Variants in PTBP2 observed in about 807,000 individuals in gnomAD.
The protein encoded by PTBP2 is polypyrimidine tract binding protein 2.
A neutral mutation model predicts 61.4 loss-of-function variants in PTBP2; 13 were observed. The observed-to-expected ratio is 0.21, with a 90% CI of 0.14 to 0.34. The LOEUF (loss-of-function observed/expected upper bound fraction) is 0.34, where lower values mean the gene tolerates loss of function less well. PTBP2 is among the 10% of genes least tolerant of loss of function. The pLI, the probability that PTBP2 is intolerant of heterozygous loss-of-function variation, is 1.00. For missense variants in PTBP2, 405 were observed against 642.6 expected, an observed-to-expected ratio of 0.63 and a Z score of 4.00; for synonymous variants, 215 against 218.5, an observed-to-expected ratio of 0.98 and a Z score of 0.14.
intron 9 of PTBP2, 35 bp downstream of exon 9, chr1:96,804,974 C>G (rs932347398): frequency 3.2e-5 from 47 of 1,450,900 alleles, no homozygotes; most frequent in Non-Finnish European, 4.3e-5. Flanking sequence ...TATTCTTTAA[C>G]TCCATTTCAT....
rs570226663 is a variant in PTBP2, at chr1:96,742,262, C to A, written c.40-9163C>A. On this transcript the variant is annotated intron_variant, in intron 2 of 13. Coordinates refer to ENST00000674951, the MANE Select transcript of PTBP2 (RefSeq NM_021190.4). ...CATGGTATTTTCCCTAAGAGACATGCTTAATGCAGAAAATATATTAAAAGG... is the reference window on the plus strand; with the variant it reads ...CATGGTATTTTCCCTAAGAGACATGATTAATGCAGAAAATATATTAAAAGG... Among the ~76,000 whole-genome samples, 3 of 152,126 alleles carry A rather than the reference C, an allele frequency of 2.0e-5. No individual in the cohort carries two copies. In the East Asian group the frequency reaches 5.8e-4, roughly 29 times the overall value.
In PTBP2 at chr1:96,802,572, AT is replaced by A. The variant is rs954844319; in HGVS notation, c.905-2221del. The stretch of plus-strand genomic sequence containing the variant: ...TGAAACCAGAAATTAAAGTGATTTA[AT>A]TTTTTTATTGTGGCAAAGATCTAGT... On this transcript the variant is annotated intron_variant, in intron 8 of 13. Transcript: ENST00000674951. Among the ~76,000 whole-genome samples the A allele has an allele frequency of 2.0e-5, 3 of 152,260 alleles. No homozygotes were observed. The East Asian group carries it at 5.8e-4, about 29-fold the overall frequency.
rs575075740 is a variant in PTBP2 at position 96,793,889 on chromosome 1, A to G, written c.904+8635A>G. ...GAAGGTATTACGGGCTACAGATGAG[A>G]AAAAAATGTTACTACGTCATTTCAT... On this transcript the variant is annotated intron_variant, in intron 8 of 13. Transcript: ENST00000674951. 1.6e-4 allele frequency among the ~76,000 whole-genome samples: 25 copies of G among 152,250 alleles called. No individual in the cohort carries two copies. In the East Asian group the frequency reaches 4.6e-3, roughly 28 times the overall value.
At chr1:96,748,139 G>A (rs1383258534) in intron 2 of PTBP2, among the ~76,000 whole-genome samples, 1 of 151,960 alleles carries the variant, frequency 6.6e-6, no homozygotes, top group Non-Finnish European at 1.5e-5. Context: ...TCCTTGCCCG[G>A]TGTCTTTCTG....
chr1:96,820,007 T>C (rs980306550), downstream of PTBP2: 1 of 151,950 alleles, frequency 6.6e-6, no homozygotes, highest in African/African-American at 2.4e-5. Context: ...TGGAGTTTTA[T>C]AGTGTAATAT....
chr1:96,745,913 A>G (rs1212595066), intron 2 of PTBP2, among the ~76,000 whole-genome samples: 2 of 152,036 alleles, frequency 1.3e-5, no homozygotes, highest in Non-Finnish European at 2.9e-5. Context: ...TAAAAATACC[A>G]TAATTAGCGG....
At position 96,769,888 on chromosome 1, in the gene PTBP2, CA is replaced by C; in HGVS notation, c.288+14del. On this transcript the variant is annotated intron_variant, in intron 4 of 13. Coordinates refer to ENST00000674951, the MANE Select transcript of PTBP2 (RefSeq NM_021190.4). ...AGGAAAAAATCAGGTACACTTCTTT[CA>C]GGGTTTATGAAATGTTAAACCCCAA... 1 of 1,569,194 alleles carries C rather than the reference CA, an allele frequency of 6.4e-7. No homozygotes were observed. The highest frequency in any genetic ancestry group is 1.2e-5 in the South Asian group (1 of 83,204).
Position 96,770,824 on chromosome 1 carries a change from A to T in PTBP2, c.405A>T (p.Glu135Asp), listed in dbSNP as rs767534656. The change falls in exon 5 of 14, where the codon GAA becomes GAT. Residue 135 changes from glutamate to aspartate, a missense_variant. Transcript: ENST00000674951. ...PIYIQYSNHK[E>D]LKTDNTLNQR... ...ATATCCAGTACTCGAATCACAAAGA[A>T]CTAAAGACAGATAATACATTAAACC... is the stretch of plus-strand genomic sequence containing the variant. 6.3e-7 allele frequency: 1 copy of T among 1,583,456 alleles called. No homozygotes were observed. The highest frequency in any genetic ancestry group is 8.7e-7 in the Non-Finnish European group (1 of 1,152,402).
chr1:96,777,453 T>C (rs937148486), intron 5 of PTBP2, 132 bp from the exon 6 acceptor site: 2 of 615,378 alleles, frequency 3.3e-6, no homozygotes, highest in African/African-American at 3.8e-5. Flanking sequence ...CTTAAAAATA[T>C]CTGTTGAGGG....
In PTBP2 at chr1:96,785,141, A is replaced by G; in HGVS notation, c.791A>G (p.Tyr264Cys). Residue 264 changes from tyrosine (Y) to cysteine (C), a missense_variant, in exon 8 of 14, where the codon TAC (tyrosine) becomes TGC (cysteine). Tyr to Cys is a radical substitution (Grantham distance 194, BLOSUM62 -2). Coordinates refer to ENST00000674951, the MANE Select transcript of PTBP2 (RefSeq NM_021190.4). ...AAACTTGTGAATTTGAATGTAAAAT[A>G]CAACAATGATAAAAGTAGGGATTAT... ...FSKLVNLNVKYNNDKSRDYTR... is the reference protein window; with the variant it reads ...FSKLVNLNVKCNNDKSRDYTR... 1 of 1,610,260 alleles carries G rather than the reference A, an allele frequency of 6.2e-7. No homozygotes were observed. Among genetic ancestry groups the G allele is most frequent in the Non-Finnish European group, 8.5e-7 (1 of 1,177,362 alleles).
intron 8 of PTBP2, among the ~76,000 whole-genome samples, chr1:96,801,767 A>G (rs1445013473): frequency 1.6e-4 from 24 of 151,542 alleles, no homozygotes; most frequent in Admixed American, 1.6e-3. Context: ...ATGCTGAGGC[A>G]GGAGAATCAC....
intron 3 of PTBP2, among the ~76,000 whole-genome samples, chr1:96,756,387 C>T (rs1180148696): frequency 2.0e-5 from 3 of 152,128 alleles, no homozygotes; most frequent in East Asian, 3.9e-4. Flanking sequence ...GCAACAAGAG[C>T]GAGACTCCAT....
At chr1:96,735,743 C>T (rs145794209) in intron 2 of PTBP2, among the ~76,000 whole-genome samples, 1,707 of 152,046 alleles carry the variant, frequency 0.011, 36 homozygotes, top group African/African-American at 0.04. Flanking sequence ...ATAGGAGAAG[C>T]GTTAAAAATG....
intron 8 of PTBP2, among the ~76,000 whole-genome samples, chr1:96,790,961 T>C: frequency 6.6e-6 from 1 of 152,164 alleles, no homozygotes; most frequent in African/African-American, 2.4e-5. Flanking sequence ...TACATTCGTA[T>C]TTTATCGGTA....
Position 96,804,420 on chromosome 1 carries a change from C to T in PTBP2, c.905-380C>T, listed in dbSNP as rs573053610. ...GGAAAAAAGTGAATTACCATTATGT[C>T]GAAAGTGATACTTTTTTACATTTGG... On this transcript the variant is annotated intron_variant, in intron 8 of 13. Coordinates refer to ENST00000674951, the MANE Select transcript of PTBP2 (RefSeq NM_021190.4). Among the ~76,000 whole-genome samples the T allele has an allele frequency of 2.6e-5, 4 of 152,126 alleles. No individual in the cohort carries two copies. In the East Asian group the frequency reaches 7.7e-4, roughly 29 times the overall value.
intron 8 of PTBP2, among the ~76,000 whole-genome samples, chr1:96,801,965 A>G (rs1571003471): frequency 3.3e-5 from 5 of 151,848 alleles, no homozygotes; most frequent in Admixed American, 3.3e-4. Context: ...TAATCCTAGC[A>G]CTTTGGGAGG....
chr1:96,758,785 TTTTTCCCCTTA>T (rs1655451504), intron 3 of PTBP2, among the ~76,000 whole-genome samples: 1 of 152,100 alleles, frequency 6.6e-6, no homozygotes, highest in Non-Finnish European at 1.5e-5. Context: ...GTTTTCTCAA[TTTTTCCCCTTA>T]GCTTTCTGCT....
intron 8 of PTBP2, among the ~76,000 whole-genome samples, chr1:96,791,826 C>CTTTTTTTTTTTTTTTTTTTTG (rs1659840110): frequency 3.0e-5 from 2 of 66,122 alleles, no homozygotes; most frequent in Non-Finnish European, 5.2e-5. Flanking sequence ...TGGAGTTGTG[C>CTTTTTTTTTTTTTTTTTTTTG]TTTTTTTTTT....
chr1:96,765,186 A>G (rs954332389), intron 3 of PTBP2, among the ~76,000 whole-genome samples: 5 of 152,214 alleles, frequency 3.3e-5, no homozygotes, highest in Non-Finnish European at 7.4e-5. Flanking sequence ...GAAGTCTAAA[A>G]CTGCTTAGAA....
Sources: allele counts gnomAD v4.1 joint callset (sites outside exome capture counted in the v4.1 genomes callset), GRCh38; gene constraint gnomAD v4.1.1; transcripts MANE v1.5; gene names NCBI Gene and HGNC (gene_info 2026-07-23, HGNC 2026-07-21).